The following LIN7A variants were observed in gnomAD, a reference collection of about 807,000 sequenced individuals.
The protein encoded by LIN7A is protein lin-7 homolog A.
In LIN7A, 25 loss-of-function variants were observed where a neutral mutation model predicts 29.8. The ratio of observed to expected loss-of-function variants is 0.84; its 90% CI spans 0.61 to 1.17. The LOEUF is 1.17. Among genes scored for constraint, LIN7A ranks in the 50% most tolerant of loss-of-function variants. The probability of loss-of-function intolerance (pLI) is 0.00; values close to 1 mark genes in which losing one functional copy is unlikely to be tolerated. For missense variants in LIN7A, 239 were observed against 287.0 expected (o/e 0.83, Z 1.21); for synonymous variants, 118 against 107.5 (o/e 1.10, Z -0.60).
chr12:80,913,188 C>T (rs1392976615), intron 1 of LIN7A, among the ~76,000 whole-genome samples: 1 of 152,194 alleles, frequency 6.6e-6, no homozygotes, highest in African/African-American at 2.4e-5. Flanking sequence ...ACATATTTTG[C>T]TACATGCATT....
Position 80,937,867 on chromosome 12 carries a change from A to C in LIN7A, c.-145T>G. 1 of 547,420 alleles carries C rather than the reference A, an allele frequency of 1.8e-6. No homozygotes were observed. Among genetic ancestry groups the C allele is most frequent in the Non-Finnish European group, 3.1e-6 (1 of 323,288 alleles). 33.9% of individuals were successfully genotyped at this position (547,420 alleles called of 1,614,324 possible). ...TGGGTGGGTTGGTAGCCAGATGGAG[A>C]CGCAACTGTTCCGCGGCGGCAGATC... On this transcript the variant is annotated 5_prime_UTR_variant, in exon 1 of 6. Coordinates refer to ENST00000552864, the MANE Select transcript of LIN7A (RefSeq NM_004664.4).
intron 2 of LIN7A, among the ~76,000 whole-genome samples, chr12:80,869,387 C>T (rs938878666): frequency 6.6e-6 from 1 of 152,042 alleles, no homozygotes; most frequent in African/African-American, 2.4e-5. Context: ...CATGTTCTAT[C>T]ACACTTCTAA....
chr12:80,842,266 C>A (rs181744159), intron 4 of LIN7A: 3 of 453,364 alleles, frequency 6.6e-6, no homozygotes, highest in East Asian at 1.1e-4. Flanking sequence ...ATATTTCTGT[C>A]CTATTTAAAA....
At chr12:80,922,918 C>T (rs1346965620) in intron 1 of LIN7A, among the ~76,000 whole-genome samples, 1 of 152,074 alleles carries the variant, frequency 6.6e-6, no homozygotes, top group African/African-American at 2.4e-5. Context: ...TCACTACTAA[C>T]CTTGGCTTCA....
chr12:80,905,598 A>G (rs1221510925), intron 1 of LIN7A, among the ~76,000 whole-genome samples: 1 of 152,120 alleles, frequency 6.6e-6, no homozygotes, highest in Non-Finnish European at 1.5e-5. Context: ...AACTGGTTGA[A>G]TTGCTAATTT....
intron 2 of LIN7A, among the ~76,000 whole-genome samples, chr12:80,879,645 CAA>C (rs530877505): frequency 1.4e-4 from 8 of 58,740 alleles, no homozygotes; most frequent in African/African-American, 4.6e-4. Flanking sequence ...TGGAGCAGCC[CAA>C]AAAAAAAAAA....
At chr12:80,853,677 G>C in intron 2 of LIN7A, among the ~76,000 whole-genome samples, 1 of 151,572 alleles carries the variant, frequency 6.6e-6, no homozygotes, top group East Asian at 1.9e-4. Context: ...TAGTGTAGGT[G>C]AGAATGTTGG....
At chr12:80,884,453 A>T (rs1039949513) in intron 2 of LIN7A, among the ~76,000 whole-genome samples, 2 of 152,212 alleles carry the variant, frequency 1.3e-5, no homozygotes, top group Non-Finnish European at 2.9e-5. Context: ...TTCTTAAACC[A>T]GACTGATTGA....
chr12:80,802,810 CT>C (rs1375976839), intron 5 of LIN7A, among the ~76,000 whole-genome samples: 2 of 151,968 alleles, frequency 1.3e-5, no homozygotes, highest in African/African-American at 4.8e-5. Context: ...CTGGCTTTGT[CT>C]TTTTTTGATA....
intron 4 of LIN7A, among the ~76,000 whole-genome samples, chr12:80,844,563 A>G (rs1369942949): frequency 6.6e-6 from 1 of 152,196 alleles, no homozygotes; most frequent in East Asian, 1.9e-4. Context: ...TCGAGTTTAT[A>G]TATTAAAATC....
In LIN7A at chr12:80,937,630, C is replaced by T. The variant is rs371180700; in HGVS notation, c.82+11G>A. On this transcript the variant is annotated intron_variant, in intron 1 of 5. Coordinates refer to ENST00000552864, the MANE Select transcript of LIN7A (RefSeq NM_004664.4). ...GGACGCGGTGGCCTGGCGAGCGAGC[C>T]GCTCCCTTACCTCTGTCCAGGGTGA... 90 of 1,487,198 alleles carry T rather than the reference C, an allele frequency of 6.1e-5. No homozygotes were observed. Among genetic ancestry groups the T allele is most frequent in the Admixed American group, 1.5e-4 (7 of 46,462 alleles). The allele number at this position is 1,487,198 out of a possible 1,614,324, so 92.1% of individuals were successfully genotyped here.
intron 1 of LIN7A, among the ~76,000 whole-genome samples, chr12:80,912,249 G>A (rs966095577): frequency 6.6e-6 from 1 of 151,580 alleles, no homozygotes. Flanking sequence ...AAAACACATT[G>A]TTTACCTGAA....
In LIN7A at chr12:80,889,363, G is replaced by T. The variant is rs765631542; in HGVS notation, c.89C>A (p.Ala30Glu). The change falls in exon 2 of 6, where the codon GCA (alanine) becomes GAA (glutamate). Residue 30 changes from alanine (A) to glutamate (E), a missense_variant. Physicochemically the swap from Ala to Glu is moderately radical, Grantham distance 107. Coordinates refer to ENST00000552864, the MANE Select transcript of LIN7A (RefSeq NM_004664.4). ...VQPLTLDRDV[A>E]RAIELLEKLQ... ...TTTTTCCAGTAATTCAATTGCTCTTGCAACATCTGAATGAAAAAAAATGAA... is the reference window on the plus strand; with the variant it reads ...TTTTTCCAGTAATTCAATTGCTCTTTCAACATCTGAATGAAAAAAAATGAA... The T allele has an allele frequency of 6.3e-7, 1 of 1,584,210 alleles. No homozygotes were observed. Among genetic ancestry groups the T allele is most frequent in the East Asian group, 2.2e-5 (1 of 44,652 alleles).
chr12:80,924,846 T>C (rs1290016516), intron 1 of LIN7A, among the ~76,000 whole-genome samples: 1 of 152,232 alleles, frequency 6.6e-6, no homozygotes, highest in Non-Finnish European at 1.5e-5. Flanking sequence ...CTAACTCCTG[T>C]CCTGAACTAT....
intron 4 of LIN7A, among the ~76,000 whole-genome samples, chr12:80,813,260 C>A (rs1405196061): frequency 1.3e-5 from 2 of 152,158 alleles, no homozygotes; most frequent in Non-Finnish European, 2.9e-5. Flanking sequence ...ATCCGCCCAC[C>A]TCGGCCTCCC....
At chr12:80,839,098 G>A (rs1872700456) in intron 4 of LIN7A, among the ~76,000 whole-genome samples, 1 of 152,142 alleles carries the variant, frequency 6.6e-6, no homozygotes, top group Non-Finnish European at 1.5e-5. Context: ...TCTCTTATGA[G>A]TAGTTAAGAA....
chr12:80,854,449 A>T (rs1873491423), intron 2 of LIN7A, among the ~76,000 whole-genome samples: 1 of 141,164 alleles, frequency 7.1e-6, no homozygotes. Flanking sequence ...TCATATATAC[A>T]GCAGTGTAGA....
At chr12:80,841,837 G>A (rs1212178947) in intron 4 of LIN7A, 5 of 958,288 alleles carry the variant, frequency 5.2e-6, no homozygotes, top group Non-Finnish European at 6.3e-6. Flanking sequence ...ATAAAAGGGT[G>A]AAAAGGAGAT....
intron 2 of LIN7A, among the ~76,000 whole-genome samples, chr12:80,849,747 C>A (rs1873239884): frequency 6.6e-6 from 1 of 152,126 alleles, no homozygotes; most frequent in Non-Finnish European, 1.5e-5. Flanking sequence ...TTACCTAGGT[C>A]TCTGCACATG....
Sources: gnomAD v4.1 joint callset for allele counts (sites outside exome capture counted in the v4.1 genomes callset) on GRCh38, gnomAD v4.1.1 for gene constraint, MANE v1.5 for transcripts, NCBI Gene and HGNC (gene_info 2026-07-23, HGNC 2026-07-21) for gene names.